SGMS1: variants seen among roughly 807,000 people sequenced by gnomAD.
The protein encoded by SGMS1 is phosphatidylcholine:ceramide cholinephosphotransferase 1.
A neutral mutation model predicts 46.2 loss-of-function variants in SGMS1; 13 were observed. The ratio of observed to expected loss-of-function variants is 0.28; its 90% CI spans 0.18 to 0.45. The LOEUF (loss-of-function observed/expected upper bound fraction) is 0.45, where lower values mean the gene tolerates loss of function less well. Ranked by LOEUF, SGMS1 falls within the 20% of genes least tolerant of loss-of-function variation. The pLI is 1.00. For synonymous variants in SGMS1, 203 were observed against 187.8 expected (o/e 1.08, Z -0.66); for missense variants, 324 against 519.9 (o/e 0.62, Z 3.66).
chr10:50,475,168 T>C (rs1190293960), intron 3 of SGMS1, among the ~76,000 whole-genome samples: 1 of 152,196 alleles, frequency 6.6e-6, no homozygotes, highest in Non-Finnish European at 1.5e-5. Context: ...TCCATAGCAA[T>C]GTAAATAAAT....
rs1294297937 is a variant in SGMS1, at chr10:50,367,865, GAA to G, written c.-231-23522_-231-23521del. ...TCCCTAGAGGATAATCCTTATCCAT[GAA>G]GTAGGTCACCACTGGATCACAGGAT... On this transcript the variant is annotated intron_variant, in intron 6 of 10. Coordinates refer to ENST00000361781, the MANE Select transcript of SGMS1 (RefSeq NM_147156.4). 4.6e-5 allele frequency among the ~76,000 whole-genome samples: 7 copies of G among 152,294 alleles called. No individual in the cohort carries two copies. In the East Asian group the frequency reaches 9.7e-4, roughly 21 times the overall value.
chr10:50,321,858 C>T (rs1847451728), intron 8 of SGMS1, among the ~76,000 whole-genome samples: 1 of 152,146 alleles, frequency 6.6e-6, no homozygotes, highest in South Asian at 2.1e-4. Context: ...AGTCTGTTGC[C>T]TTATAAGACT....
At chr10:50,548,053 T>C (rs1484595504) in intron 2 of SGMS1, among the ~76,000 whole-genome samples, 3 of 152,014 alleles carry the variant, frequency 2.0e-5, no homozygotes, top group African/African-American at 7.2e-5. Context: ...CAAAATAACA[T>C]GACAAACCCA....
At chr10:50,361,402 C>T (rs536034451) in intron 6 of SGMS1, among the ~76,000 whole-genome samples, 2 of 152,118 alleles carry the variant, frequency 1.3e-5, no homozygotes, top group East Asian at 1.9e-4. Context: ...CCATCAGGCT[C>T]TCAAGTTCAC....
chr10:50,340,981 G>T (rs540712491), intron 7 of SGMS1, among the ~76,000 whole-genome samples: 1 of 152,276 alleles, frequency 6.6e-6, no homozygotes, highest in African/African-American at 2.4e-5. Context: ...GGCTTAATTT[G>T]GAGAAGTCGT....
At chr10:50,588,791 G>A (rs546688727) in intron 2 of SGMS1, among the ~76,000 whole-genome samples, 100 of 146,574 alleles carry the variant, frequency 6.8e-4, no homozygotes, top group African/African-American at 2.3e-3. Flanking sequence ...GTGCAGAGGC[G>A]TGATCTCGGC....
chr10:50,384,411 CTTCT>C (rs978361190), intron 6 of SGMS1, among the ~76,000 whole-genome samples: 8 of 149,510 alleles, frequency 5.4e-5, no homozygotes, highest in Admixed American at 6.7e-5. Context: ...CCTTTCCTTC[CTTCT>C]TTCTCCTTTC....
intron 5 of SGMS1, among the ~76,000 whole-genome samples, chr10:50,439,955 T>G (rs1246083843): frequency 6.6e-6 from 1 of 152,154 alleles, no homozygotes; most frequent in African/African-American, 2.4e-5. Context: ...AGGTAAGTGC[T>G]GTATATAAGG....
intron 2 of SGMS1, among the ~76,000 whole-genome samples, chr10:50,584,571 T>C (rs1274911594): frequency 1.3e-5 from 2 of 152,124 alleles, no homozygotes; most frequent in African/African-American, 4.8e-5. Context: ...CAAACCAGTT[T>C]GGAGTTTTCA....
rs113780676 is a variant in SGMS1, at chr10:50,375,993, G to A, written c.-231-31648C>T. Among the ~76,000 whole-genome samples, 1,463 of 152,070 alleles carry A rather than the reference G, an allele frequency of 9.6e-3. 27 individuals carry two copies. The highest frequency in any genetic ancestry group is 0.032 in the African/African-American group (1,338 of 41,468). ...ACTACAAGTGAGTACTACTGCAGCC[G>A]GCATTTGTTTATTTTTACTTTTTTA... On this transcript the variant is annotated intron_variant, in intron 6 of 10. Transcript: ENST00000361781.
intron 3 of SGMS1, among the ~76,000 whole-genome samples, chr10:50,495,030 C>T (rs1434296152): frequency 2.3e-5 from 3 of 129,136 alleles, no homozygotes; most frequent in African/African-American, 6.0e-5. Flanking sequence ...AGCGAGACTC[C>T]GTCTCAAAAA....
chr10:50,601,866 C>A (rs1306322391), intron 1 of SGMS1, among the ~76,000 whole-genome samples: 2 of 152,208 alleles, frequency 1.3e-5, no homozygotes, highest in East Asian at 3.8e-4. Flanking sequence ...TGTCTCCTAT[C>A]CACCTTCTAC....
intron 6 of SGMS1, among the ~76,000 whole-genome samples, chr10:50,380,450 A>G (rs1416192749): frequency 6.6e-6 from 1 of 152,046 alleles, no homozygotes; most frequent in Non-Finnish European, 1.5e-5. Flanking sequence ...GCAGAAGAAT[A>G]CAATCATAGG....
Position 50,307,355 on chromosome 10 carries a change from AC to A in SGMS1, c.1063-35del, listed in dbSNP as rs1323012153. ...ACAAAGAAACATAAACACATTTCTT[AC>A]AATCTTTCACTTTAAGTTCAAATAC... is the stretch of plus-strand genomic sequence containing the variant. On this transcript the variant is annotated intron_variant, in intron 10 of 10. Transcript: ENST00000361781. The surrounding 1 kb of genome is among the most constrained non-coding windows in gnomAD (Gnocchi z 4.2). The A allele has an allele frequency of 2.5e-6, 4 of 1,584,054 alleles. No individual in the cohort carries two copies. The highest frequency in any genetic ancestry group is 3.4e-6 in the Non-Finnish European group (4 of 1,159,752).
intron 3 of SGMS1, among the ~76,000 whole-genome samples, chr10:50,517,418 G>A (rs3011775): frequency 0.015 from 2,298 of 152,196 alleles, 23 homozygotes; most frequent in Non-Finnish European, 0.025. Context: ...CAATGGATAG[G>A]CTAAACAGAA....
rs541756743 is a variant in SGMS1, at chr10:50,603,107, A to G, written c.-683-12860T>C. Among the ~76,000 whole-genome samples, 14 of 152,320 alleles carry G rather than the reference A, an allele frequency of 9.2e-5. No homozygotes were observed. The East Asian group carries it at 2.3e-3, about 25-fold the overall frequency. On this transcript the variant is annotated intron_variant, in intron 1 of 10. Transcript: ENST00000361781. ...CCAGAAAAACATAACCACATTCTAA[A>G]ACCTTTTGCCTCTGAAGAGGAAGCC...
chr10:50,580,842 G>A, intron 2 of SGMS1, among the ~76,000 whole-genome samples: 1 of 152,184 alleles, frequency 6.6e-6, no homozygotes. Context: ...GAGATCTGTT[G>A]CACAACAATG....
At chr10:50,529,032 G>A (rs1416649067) in intron 2 of SGMS1, among the ~76,000 whole-genome samples, 2 of 152,124 alleles carry the variant, frequency 1.3e-5, no homozygotes, top group African/African-American at 4.8e-5. Flanking sequence ...GCAATACATT[G>A]GTTCCTACAG....
At chr10:50,308,203 C>A in intron 9 of SGMS1, 55 bp from the exon 10 acceptor site, 2 of 1,482,916 alleles carry the variant, frequency 1.3e-6, no homozygotes, top group Non-Finnish European at 1.8e-6. Context: ...ATTAAGGGCA[C>A]CCAACTATGC....
Sources: gnomAD v4.1 joint callset for allele counts (sites outside exome capture counted in the v4.1 genomes callset) on GRCh38, gnomAD v4.1.1 for gene constraint, Gnocchi (gnomAD v3.1) non-coding constraint, MANE v1.5 for transcripts, NCBI Gene and HGNC (gene_info 2026-07-23, HGNC 2026-07-21) for gene names.